RUNX3: variants seen among roughly 807,000 people sequenced by gnomAD.
RUNX3 encodes the protein RUNX family transcription factor 3.
RUNX3 carries 10 observed loss-of-function variants against 27.7 expected under a neutral mutation model. The ratio of observed to expected loss-of-function variants is 0.36; its 90% CI spans 0.22 to 0.61. The LOEUF (loss-of-function observed/expected upper bound fraction) is 0.61. Among genes scored for constraint, RUNX3 ranks in the 20% least tolerant of loss-of-function variants. The probability of loss-of-function intolerance (pLI) is 0.72; values close to 1 mark genes in which losing one functional copy is unlikely to be tolerated. For synonymous variants in RUNX3, 270 were observed against 269.2 expected (o/e 1.00, Z -0.03); for missense variants, 469 against 629.5 (o/e 0.75, Z 2.73).
Position 24,937,208 on chromosome 1 carries a change from G to A in RUNX3, c.59-7356C>T, listed in dbSNP as rs370918244. Among the ~76,000 whole-genome samples, 519 of 152,326 alleles carry A rather than the reference G, an allele frequency of 3.4e-3. 2 individuals are homozygous for A. The highest frequency in any genetic ancestry group is 0.01 in the Middle Eastern group (3 of 294). On this transcript the variant is annotated intron_variant, in intron 2 of 6. Transcript: ENST00000338888. Reference sequence around the variant, plus strand: ...CCCTAGATATCCCAGAGGCAGGGCCGGCTTTCTGGCCTGTGACCCATGCAG... The same window carrying A: ...CCCTAGATATCCCAGAGGCAGGGCCAGCTTTCTGGCCTGTGACCCATGCAG...
At position 24,927,592 on chromosome 1, in the gene RUNX3, C is replaced by T; in HGVS notation, c.421G>A (p.Val141Met). 1 of 1,614,124 alleles carries T rather than the reference C, an allele frequency of 6.2e-7. No homozygotes were observed. The highest frequency in any genetic ancestry group is 8.5e-7 in the Non-Finnish European group (1 of 1,180,020). The change falls in exon 2 of 5, where the codon GTG (valine) becomes ATG (methionine). Residue 141 changes from valine to methionine, a missense_variant. Physicochemically the swap from Val to Met is conservative, Grantham distance 21. This residue lies in a region of RUNX3 where 75 missense variants were observed against 168.5 expected (regional missense o/e 0.45). Transcript: ENST00000308873. The surrounding 1 kb of genome is among the most constrained non-coding windows in gnomAD (Gnocchi z 5.0). ...QVARFNDLRF[V>M]GRSGRGKSFT... ...CACTTACCTCGCCCACTGCGGCCCACGAAGCGAAGGTCGTTGAACCTGGCC... is the reference window on the plus strand; with the variant it reads ...CACTTACCTCGCCCACTGCGGCCCATGAAGCGAAGGTCGTTGAACCTGGCC...
chr1:24,950,749 G>A (rs1202641114), intron 2 of RUNX3, among the ~76,000 whole-genome samples: 1 of 152,164 alleles, frequency 6.6e-6, no homozygotes, highest in Non-Finnish European at 1.5e-5. Flanking sequence ...GAGGGCACCT[G>A]ACGGGAATAC....
At chr1:24,919,790 C>T (rs546247810) in intron 2 of RUNX3, among the ~76,000 whole-genome samples, 5 of 151,888 alleles carry the variant, frequency 3.3e-5, no homozygotes, top group East Asian at 3.9e-4. Context: ...AGATAGACAC[C>T]GTTACCATTT....
intron 3 of RUNX3, among the ~76,000 whole-genome samples, chr1:24,918,833 C>T (rs147339258): frequency 5.2e-4 from 79 of 152,310 alleles, no homozygotes; most frequent in African/African-American, 1.9e-3. Flanking sequence ...ACAGCCAGAC[C>T]AGCCCCTGAC....
chr1:24,960,465 CG>C (rs1557864632), intron 2 of RUNX3, among the ~76,000 whole-genome samples: 1 of 152,180 alleles, frequency 6.6e-6, no homozygotes, highest in African/African-American at 2.4e-5. Flanking sequence ...CTCTACACCT[CG>C]ATAAGTTTTT....
intron 2 of RUNX3, among the ~76,000 whole-genome samples, chr1:24,937,868 C>T (rs1641384604): frequency 6.6e-6 from 1 of 152,220 alleles, no homozygotes; most frequent in East Asian, 1.9e-4. Flanking sequence ...TCTTTCCATG[C>T]AGGTCACTGC....
upstream of RUNX3, among the ~76,000 whole-genome samples, chr1:24,934,192 A>G (rs1641294822): frequency 6.6e-6 from 1 of 152,212 alleles, no homozygotes. Context: ...TGATCTCTGA[A>G]TATATAAGCG....
Position 24,929,743 on chromosome 1 carries a change from C to A in RUNX3, c.126G>T (p.Val42=). The change falls in exon 1 of 5, where the codon GTG becomes GTT. Residue 42 remains valine, a synonymous_variant. Coordinates refer to ENST00000308873, the MANE Select transcript of RUNX3 (RefSeq NM_004350.3). ...CGGGCCGGGCGCGCCCTCCGGGCCC[C>A]ACGGCCGCCTGCGCGCTCAGCGCGC... ...NSGALSAQAA[V]GPGGRARPEV... 1 of 1,476,276 alleles carries A rather than the reference C, an allele frequency of 6.8e-7. No homozygotes were observed. The highest frequency in any genetic ancestry group is 8.9e-7 in the Non-Finnish European group (1 of 1,123,010). 91.4% of individuals were successfully genotyped at this position (1,476,276 alleles called of 1,614,324 possible).
intron 2 of RUNX3, among the ~76,000 whole-genome samples, chr1:24,922,147 C>A (rs964323184): frequency 1.3e-5 from 2 of 150,364 alleles, no homozygotes; most frequent in African/African-American, 2.4e-5. Context: ...CTTTTCCTTC[C>A]CTCCCTTCCT....
intron 2 of RUNX3, among the ~76,000 whole-genome samples, chr1:24,936,935 C>T (rs569383510): frequency 2.0e-5 from 3 of 152,218 alleles, no homozygotes; most frequent in Non-Finnish European, 2.9e-5. Flanking sequence ...TTTCCAGCAT[C>T]GCCCTTGGAA....
chr1:24,919,104 A>T, intron 3 of RUNX3, 136 bp downstream of exon 3: 1 of 568,392 alleles, frequency 1.8e-6, no homozygotes, highest in South Asian at 2.2e-5. Context: ...GCCAGCAGGC[A>T]CGCAGTGTGT....
intron 2 of RUNX3, among the ~76,000 whole-genome samples, chr1:24,946,515 G>T (rs1472085337): frequency 1.3e-5 from 2 of 152,058 alleles, no homozygotes; most frequent in African/African-American, 4.8e-5. Flanking sequence ...CTCCCTGATG[G>T]CAGGGGACAA....
In RUNX3 at chr1:24,929,925, G is replaced by T. The variant is rs1641183465; in HGVS notation, c.-57C>A. The T allele has an allele frequency of 8.2e-7, 1 of 1,225,866 alleles. No individual in the cohort carries two copies. The highest frequency in any genetic ancestry group is 4.4e-5 in the Admixed American group (1 of 22,938). 75.9% of individuals were successfully genotyped at this position (1,225,866 alleles called of 1,614,324 possible). On this transcript the variant is annotated 5_prime_UTR_variant, in exon 1 of 5. Transcript: ENST00000308873. ...AGACGGCGCGGCTTCCCCCGGGGGC[G>T]GCCGGCGCGGGCGCCTCCTCGGCCG...
At position 24,962,667 on chromosome 1, in the gene RUNX3, A is replaced by G. The variant is rs1293928711; in HGVS notation, c.58+1847T>C. 6.6e-6 allele frequency among the ~76,000 whole-genome samples: 1 copy of G among 152,232 alleles called. No individual in the cohort carries two copies. The highest frequency in any genetic ancestry group is 1.5e-5 in the Non-Finnish European group (1 of 68,026). On this transcript the variant is annotated intron_variant, in intron 2 of 6. Coordinates refer to the RUNX3 transcript ENST00000338888. This position sits in a 1 kb window ranked among gnomAD's most constrained non-coding sequence, Gnocchi z 4.5. ...CAAACATCTCCACAGACCCTAGCCT[A>G]TGAGGCGCCTTCTGTGCCACTGCTG...
rs955285636 is a variant in RUNX3, at chr1:24,908,307, A to G, written c.545-890T>C. The stretch of plus-strand genomic sequence containing the variant: ...ACGACATGTGGTGATCCAAACCTCT[A>G]CGACACACGGTGATCCAAACCTCTA... On this transcript the variant is annotated intron_variant, in intron 3 of 4. Coordinates refer to ENST00000308873, the MANE Select transcript of RUNX3 (RefSeq NM_004350.3). Among the ~76,000 whole-genome samples the G allele has an allele frequency of 3.0e-4, 45 of 151,812 alleles. 2 individuals are homozygous for G. The highest frequency in any genetic ancestry group is 1.1e-3 in the African/African-American group (45 of 41,194).
chr1:24,963,813 C>T (rs1310689070), intron 2 of RUNX3, among the ~76,000 whole-genome samples: 2 of 152,162 alleles, frequency 1.3e-5, no homozygotes, highest in South Asian at 2.1e-4. Flanking sequence ...GATCCCAGAC[C>T]CCCTATCCTT....
intron 3 of RUNX3, among the ~76,000 whole-genome samples, chr1:24,918,989 C>T (rs1041485626): frequency 6.6e-6 from 1 of 152,230 alleles, no homozygotes; most frequent in African/African-American, 2.4e-5. Context: ...CATCCTTTTC[C>T]TTTCCTTGAC....
At chr1:24,928,307 C>T (rs1441781278) in intron 1 of RUNX3, among the ~76,000 whole-genome samples, 2 of 152,166 alleles carry the variant, frequency 1.3e-5, no homozygotes, top group Non-Finnish European at 1.5e-5. Flanking sequence ...TTGAAAAAGG[C>T]CACCAGAAAA....
rs552684635 is a variant in RUNX3, at chr1:24,936,816, G to A, written c.59-6964C>T. The stretch of plus-strand genomic sequence containing the variant: ...AATTAATCTCAGAGGCCGATGGCTC[G>A]GAGGAGACTGGGGGCTTTGGCCTTA... On this transcript the variant is annotated intron_variant, in intron 2 of 6. Coordinates refer to the RUNX3 transcript ENST00000338888. 1.8e-3 allele frequency among the ~76,000 whole-genome samples: 278 copies of A among 152,330 alleles called. 1 individual carries two copies. Among genetic ancestry groups the A allele is most frequent in the Non-Finnish European group, 2.0e-3 (134 of 68,036 alleles).
Sources: allele counts gnomAD v4.1 joint callset (sites outside exome capture counted in the v4.1 genomes callset), GRCh38; gene constraint gnomAD v4.1.1; regional missense constraint gnomAD v4.1.1; non-coding constraint Gnocchi (gnomAD v3.1); transcripts MANE v1.5; gene names NCBI Gene and HGNC (gene_info 2026-07-23, HGNC 2026-07-21).